The following SLA variants were observed in gnomAD, a reference collection of about 807,000 sequenced individuals.
SLA encodes Src like adaptor, also known as src-like-adapter.
In SLA, 16 loss-of-function variants were observed where a neutral mutation model predicts 30.3. The observed-to-expected ratio is 0.53, with a 90% CI of 0.36 to 0.80. The LOEUF is 0.80. Ranked by LOEUF, SLA falls within the 30% of genes least tolerant of loss-of-function variation. SLA has a pLI of 0.01. For synonymous variants in SLA, 143 were observed against 137.8 expected (o/e 1.04, Z -0.26); for missense variants, 310 against 345.2 (o/e 0.90, Z 0.81).
rs1303486901 is a variant in SLA, at chr8:133,037,670, A to G, written c.*854T>C. 6.8e-6 allele frequency: 1 copy of G among 147,996 alleles called. No individual in the cohort carries two copies. The highest frequency in any genetic ancestry group is 2.0e-4 in the East Asian group (1 of 5,064). The allele number at this position is 147,996 out of a possible 1,614,324, so 9.2% of individuals were successfully genotyped here. On this transcript the variant is annotated 3_prime_UTR_variant, in exon 9 of 9. Transcript: ENST00000338087. ...TTTTTTTTGGCTTGCCTGACACCTT[A>G]CAGAGGACTTAATGCAATGCCTATT...
intron 8 of SLA, 151 bp from the exon 9 acceptor site, chr8:133,038,888 T>C: frequency 1.7e-6 from 1 of 600,274 alleles, no homozygotes; most frequent in Non-Finnish European, 2.9e-6. Context: ...TTTTTCTTTA[T>C]TTATTTTAAG....
chr8:133,043,072 G>T (rs1455928729), intron 7 of SLA, among the ~76,000 whole-genome samples: 1 of 152,164 alleles, frequency 6.6e-6, no homozygotes, highest in Non-Finnish European at 1.5e-5. Flanking sequence ...AAGGGGCATA[G>T]GAAACAGTTC....
chr8:133,049,022 A>G (rs1190792594), intron 5 of SLA: 2 of 368,958 alleles, frequency 5.4e-6, no homozygotes, highest in Non-Finnish European at 1.1e-5. Flanking sequence ...TTTCTTTGCC[A>G]ACTTCCAGCT....
chr8:133,074,789 C>T (rs1204154262), intron 2 of SLA, 64 bp downstream of exon 2: 4 of 918,360 alleles, frequency 4.4e-6, no homozygotes, highest in South Asian at 5.0e-5. Flanking sequence ...CCCCTGCCAA[C>T]TGCGTGTTGA....
Position 133,073,902 on chromosome 8 carries a change from C to CTA in SLA, c.-41+949_-41+950dup, listed in dbSNP as rs1483209331. On this transcript the variant is annotated intron_variant, in intron 2 of 8. Transcript: ENST00000338087. ...TCAAAAGCAAATAACAATCACAATC[C>CTA]TATAGGATTGTTCTGAGGATTGCAG... Among the ~76,000 whole-genome samples, 6 of 152,200 alleles carry CTA rather than the reference C, an allele frequency of 3.9e-5. 1 individual carries two copies. The East Asian group carries it at 1.2e-3, about 29-fold the overall frequency.
chr8:133,040,437 G>T, intron 7 of SLA: 1 of 329,882 alleles, frequency 3.0e-6, no homozygotes, highest in Admixed American at 4.3e-5. Flanking sequence ...AAATTATCAA[G>T]AACGTCTCTG....
At chr8:133,099,147 C>T (rs1445020679) in intron 1 of SLA, among the ~76,000 whole-genome samples, 2 of 152,242 alleles carry the variant, frequency 1.3e-5, no homozygotes, top group Admixed American at 6.5e-5. Context: ...AAGTTGGGCA[C>T]CCCCAAATAG....
chr8:133,055,242 A>G (rs1025945701), intron 3 of SLA, among the ~76,000 whole-genome samples: 6 of 152,090 alleles, frequency 3.9e-5, no homozygotes, highest in African/African-American at 9.7e-5. Context: ...GGAGCTGTAC[A>G]GCCCAGGGAT....
At chr8:133,078,781 G>A (rs914600028) in intron 1 of SLA, among the ~76,000 whole-genome samples, 1 of 152,276 alleles carries the variant, frequency 6.6e-6, no homozygotes, top group Middle Eastern at 3.4e-3. Context: ...AACATCTATT[G>A]TAAATTTCGT....
At chr8:133,039,179 C>T (rs1236385146) in intron 8 of SLA, among the ~76,000 whole-genome samples, 2 of 152,134 alleles carry the variant, frequency 1.3e-5, no homozygotes, top group African/African-American at 2.4e-5. Flanking sequence ...GCGCCTGGCC[C>T]TAACTTACTA....
intron 7 of SLA, among the ~76,000 whole-genome samples, chr8:133,042,146 C>T (rs909607581): frequency 8.5e-5 from 13 of 152,100 alleles, no homozygotes; most frequent in African/African-American, 3.1e-4. Context: ...GATGAAGTAA[C>T]TTACTCAGGG....
intron 1 of SLA, among the ~76,000 whole-genome samples, chr8:133,095,410 G>A (rs1338306949): frequency 1.3e-5 from 2 of 152,154 alleles, no homozygotes; most frequent in African/African-American, 4.8e-5. Flanking sequence ...GGGCACTGAG[G>A]GTAGACAGAT....
intron 3 of SLA, among the ~76,000 whole-genome samples, chr8:133,051,610 A>G (rs1840421590): frequency 6.6e-6 from 1 of 152,188 alleles, no homozygotes; most frequent in Non-Finnish European, 1.5e-5. Flanking sequence ...AGTGTATTGA[A>G]AGGAATTCTG....
chr8:133,038,372 GAA>G lies in SLA; in HGVS notation c.*150_*151del. 1 of 651,056 alleles carries G rather than the reference GAA, an allele frequency of 1.5e-6. No individual in the cohort carries two copies. The highest frequency in any genetic ancestry group is 2.6e-5 in the East Asian group (1 of 38,476). 40.3% of individuals were successfully genotyped at this position (651,056 alleles called of 1,614,324 possible). A position where few individuals can be genotyped will look rare whatever the true frequency, so the allele number is the denominator to read the frequency against. On this transcript the variant is annotated 3_prime_UTR_variant, in exon 9 of 9. Coordinates refer to ENST00000338087, the MANE Select transcript of SLA (RefSeq NM_001045556.3). ...TTCCTTTGGTCATGATGTGGATAGA[GAA>G]GATGCGAATTTGAGTCTCCATGTGG... is the stretch of plus-strand genomic sequence containing the variant.
intron 3 of SLA, among the ~76,000 whole-genome samples, chr8:133,054,682 C>T (rs1389034422): frequency 6.6e-6 from 1 of 152,196 alleles, no homozygotes; most frequent in African/African-American, 2.4e-5. Context: ...TAAAAATGAA[C>T]TCCACTTGGT....
rs115718521 is a variant in SLA, at chr8:133,078,535, T to C, written c.-318-3405A>G. Among the ~76,000 whole-genome samples, 393 of 152,334 alleles carry C rather than the reference T, an allele frequency of 2.6e-3. 1 individual carries two copies. The highest frequency in any genetic ancestry group is 8.9e-3 in the African/African-American group (371 of 41,578). ...TCAAGAAGTCTCGAGTCCAAGAATA[T>C]TGTCATTTATTCAAGCATGCATTTT... On this transcript the variant is annotated intron_variant, in intron 1 of 8. Transcript: ENST00000338087.
intron 2 of SLA, among the ~76,000 whole-genome samples, chr8:133,060,868 T>C (rs890966183): frequency 3.3e-5 from 5 of 152,208 alleles, no homozygotes; most frequent in Admixed American, 6.5e-5. Context: ...TGAGGTCACA[T>C]GGCAAGTAAT....
At chr8:133,039,859 C>A (rs1837834266) in intron 8 of SLA, 139 bp downstream of exon 8, 17 of 1,429,886 alleles carry the variant, frequency 1.2e-5, no homozygotes, top group East Asian at 5.0e-5. Context: ...TGCTCACCCC[C>A]CAGTTTCAGC....
At chr8:133,055,811 C>A (rs948792864) in intron 3 of SLA, among the ~76,000 whole-genome samples, 7 of 150,310 alleles carry the variant, frequency 4.7e-5, no homozygotes, top group Admixed American at 4.0e-4. Context: ...TCCCTTCCTC[C>A]CCCTCCTCAT....
Sources: gnomAD v4.1 joint callset for allele counts (sites outside exome capture counted in the v4.1 genomes callset) on GRCh38, gnomAD v4.1.1 for gene constraint, MANE v1.5 for transcripts, NCBI Gene and HGNC (gene_info 2026-07-23, HGNC 2026-07-21) for gene names.